Variants in CSMD2 observed in about 807,000 individuals in gnomAD.
The protein encoded by CSMD2 is CUB and Sushi multiple domains 2.
A neutral mutation model predicts 398.5 loss-of-function variants in CSMD2; 130 were observed. That is an observed-to-expected ratio of 0.33 (90% CI 0.28 to 0.38). CSMD2 has a LOEUF of 0.38. CSMD2 is among the 10% of genes least tolerant of loss of function. CSMD2 has a pLI of 1.00. For synonymous variants in CSMD2, 1,828 were observed against 1,908.5 expected (o/e 0.96, Z 1.10); for missense variants, 3,829 against 4,764.9 (o/e 0.80, Z 5.78).
In CSMD2 at chr1:33,611,027, C is replaced by T. The variant is rs2148837027; in HGVS notation, c.6343+14G>A. The T allele has an allele frequency of 1.2e-6, 2 of 1,611,376 alleles. No individual in the cohort carries two copies. Among genetic ancestry groups the T allele is most frequent in the Non-Finnish European group, 1.7e-6 (2 of 1,178,420 alleles). ...GATAGACAGAGAAGCAAAGGCGGTG[C>T]TCCTTGTCCTTACCCTGATACTCCA... On this transcript the variant is annotated intron_variant, in intron 41 of 70. Transcript: ENST00000373381.
intron 3 of CSMD2, among the ~76,000 whole-genome samples, chr1:33,981,099 G>A (rs1646149590): frequency 6.6e-6 from 1 of 152,192 alleles, no homozygotes; most frequent in Non-Finnish European, 1.5e-5. Context: ...AGGAGAAAGT[G>A]CAGGGACCCA....
chr1:33,726,818 CTG>C lies in CSMD2; in HGVS notation c.2369-135_2369-134del, dbSNP rs368188281. The C allele has an allele frequency of 7.5e-5, 77 of 1,021,882 alleles. No homozygotes were observed. In the African/African-American group the frequency reaches 1.0e-3, roughly 14 times the overall value. The allele number at this position is 1,021,882 out of a possible 1,614,324, so 63.3% of individuals were successfully genotyped here. A position where few individuals can be genotyped will look rare whatever the true frequency, so the allele number is the denominator to read the frequency against. On this transcript the variant is annotated intron_variant, in intron 15 of 70. Transcript: ENST00000373381. Reference sequence around the variant, plus strand: ...TATGGAAAATTACATAAACTATAAACTGTGAGTTTTGTCTACTGGGACCTTTA... The same window carrying C: ...TATGGAAAATTACATAAACTATAAACTGAGTTTTGTCTACTGGGACCTTTA...
chr1:34,040,629 G>A (rs1253516453), intron 2 of CSMD2, among the ~76,000 whole-genome samples: 1 of 152,182 alleles, frequency 6.6e-6, no homozygotes, highest in Non-Finnish European at 1.5e-5. Flanking sequence ...CAGAGTCTTA[G>A]GTGACTCTGA....
Position 34,117,033 on chromosome 1 carries a change from TA to T in CSMD2, c.188-27841del, listed in dbSNP as rs199579644. On this transcript the variant is annotated intron_variant, in intron 1 of 70. Transcript: ENST00000373381. ...TTACAGCAGCACATTGCACATGCAT[TA>T]AAAAAAAGAATGATCTCAAATCAAT... 2.2e-3 allele frequency among the ~76,000 whole-genome samples: 335 copies of T among 151,602 alleles called. 1 individual carries two copies. In the East Asian group the frequency reaches 0.024, roughly 11 times the overall value.
intron 15 of CSMD2, among the ~76,000 whole-genome samples, chr1:33,732,306 G>T (rs1646745633): frequency 1.3e-5 from 2 of 152,232 alleles, no homozygotes; most frequent in African/African-American, 4.8e-5. Context: ...GGGATACTGG[G>T]TGTTATGGAT....
At chr1:33,932,292 A>G (rs1159960521) in intron 4 of CSMD2, among the ~76,000 whole-genome samples, 2 of 152,108 alleles carry the variant, frequency 1.3e-5, no homozygotes, top group East Asian at 3.9e-4. Context: ...GTTGCCCCCT[A>G]GTAACAATTA....
intron 14 of CSMD2, among the ~76,000 whole-genome samples, chr1:33,741,378 G>T (rs513049): frequency 9.9e-5 from 15 of 151,884 alleles, no homozygotes; most frequent in African/African-American, 3.6e-4. Context: ...TGGCCATGGA[G>T]GATTGTTTCA....
At chr1:33,945,686 G>A (rs140993499) in intron 3 of CSMD2, among the ~76,000 whole-genome samples, 79 of 152,238 alleles carry the variant, frequency 5.2e-4, no homozygotes, top group African/African-American at 1.8e-3. Flanking sequence ...TGCTGCCCCT[G>A]TTTCAGAAGA....
At chr1:33,890,648 C>A (rs1641945823) in intron 5 of CSMD2, among the ~76,000 whole-genome samples, 3 of 151,960 alleles carry the variant, frequency 2.0e-5, no homozygotes, top group South Asian at 4.2e-4. Flanking sequence ...TCAAACTATA[C>A]TACAAGGCTA....
rs142080627 is a variant in CSMD2, at chr1:33,662,095, G to T, written c.4255+795C>A. Among the ~76,000 whole-genome samples the T allele has an allele frequency of 4.0e-4, 61 of 152,298 alleles. 1 individual carries two copies. The East Asian group carries it at 0.01, about 26-fold the overall frequency. On this transcript the variant is annotated intron_variant, in intron 26 of 70. Transcript: ENST00000373381. ...AGATGATGCATTCCAGGGAGAGGCA[G>T]GACCAATCATATAAATTATCTCATA...
rs958161891 is a variant in CSMD2 at position 33,577,457 on chromosome 1, G to A, written c.7415C>T (p.Pro2472Leu). Residue 2472 changes from proline (P) to leucine (L), a missense_variant, in exon 49 of 71, where the codon CCA becomes CTA. By Grantham distance (98) the Pro-to-Leu change is moderately conservative. Around this residue, in one of 5 missense-constraint regions of CSMD2, gnomAD observed 723 missense variants for 758.6 expected, o/e 0.95. Transcript: ENST00000373381. Reference sequence around the variant, plus strand: ...CTGGCCTAGGATGAAGCCATGGAGTGGAGCCCTGGGCAGGCTGCAGTAAGG... The same window carrying A: ...CTGGCCTAGGATGAAGCCATGGAGTAGAGCCCTGGGCAGGCTGCAGTAAGG... ...SAPYCSLPRA[P>L]LHGFILGQTS... 1.2e-6 allele frequency: 2 copies of A among 1,613,336 alleles called. No homozygotes were observed.
In CSMD2 at chr1:33,810,738, C is replaced by T; in HGVS notation, c.1446+5G>A. Reference sequence around the variant, plus strand: ...GAACACCACCCCGCTCCCCAAGAGGCTTACCTTGGAGGGGTTGAGTGCTGT... The same window carrying T: ...GAACACCACCCCGCTCCCCAAGAGGTTTACCTTGGAGGGGTTGAGTGCTGT... On this transcript the variant is annotated splice_donor_5th_base_variant and intron_variant, in intron 10 of 70. Transcript: ENST00000373381. 1.9e-6 allele frequency: 3 copies of T among 1,612,680 alleles called. No individual in the cohort carries two copies.
At chr1:34,003,995 C>T (rs1646980476) in intron 3 of CSMD2, among the ~76,000 whole-genome samples, 2 of 152,224 alleles carry the variant, frequency 1.3e-5, no homozygotes, top group South Asian at 4.1e-4. Context: ...ACAATGCCTA[C>T]CTGCCCTCTA....
At chr1:33,864,003 G>A in intron 5 of CSMD2, 1 of 581,220 alleles carries the variant, frequency 1.7e-6, no homozygotes, top group East Asian at 2.9e-5. Flanking sequence ...GCTTGTGGAT[G>A]ATGTCACAGT....
Position 33,860,170 on chromosome 1 carries a change from C to T in CSMD2, c.921-13174G>A, listed in dbSNP as rs562509430. ...CACCAGTGGCCCACTTTTTGTCTGT[C>T]ACAGGATTCAGTCTAGCATCTCTCA... is the stretch of plus-strand genomic sequence containing the variant. On this transcript the variant is annotated intron_variant, in intron 5 of 70. Transcript: ENST00000373381. 3.9e-5 allele frequency among the ~76,000 whole-genome samples: 6 copies of T among 152,262 alleles called. No homozygotes were observed. In the East Asian group the frequency reaches 1.2e-3, roughly 29 times the overall value.
Position 33,700,605 on chromosome 1 carries a change from C to A in CSMD2, c.3645G>T (p.Val1215=), listed in dbSNP as rs978191260. Residue 1215 remains valine, a synonymous_variant, in exon 23 of 71, where the codon GTG becomes GTT. Transcript: ENST00000373381. Reference sequence around the variant, plus strand: ...GACTGCTGGATGTGCTGTTCAAAGTCACCCCCATCATCTCAGAATGGCTAA... The same window carrying A: ...GACTGCTGGATGTGCTGTTCAAAGTAACCCCCATCATCTCAGAATGGCTAA... ...GVFSHSEMMG[V]TLNSTSSSLW... The A allele has an allele frequency of 6.2e-7, 1 of 1,614,050 alleles. No individual in the cohort carries two copies. The highest frequency in any genetic ancestry group is 8.5e-7 in the Non-Finnish European group (1 of 1,180,046).
At chr1:34,069,847 A>G (rs1451844992) in intron 2 of CSMD2, among the ~76,000 whole-genome samples, 1 of 152,172 alleles carries the variant, frequency 6.6e-6, no homozygotes, top group East Asian at 1.9e-4. Context: ...TGATTTAGAT[A>G]CCTTATTTTT....
intron 43 of CSMD2, among the ~76,000 whole-genome samples, chr1:33,601,740 T>C (rs1469205154): frequency 6.6e-6 from 1 of 152,254 alleles, no homozygotes; most frequent in Non-Finnish European, 1.5e-5. Context: ...ACTCTTGTTG[T>C]ATATAACTAC....
At chr1:33,643,998 CAT>C (rs1404242282) in intron 29 of CSMD2, among the ~76,000 whole-genome samples, 1 of 152,142 alleles carries the variant, frequency 6.6e-6, no homozygotes, top group African/African-American at 2.4e-5. Flanking sequence ...CTCAAACACA[CAT>C]AGTTATCTTT....
Sources: gnomAD v4.1 joint callset for allele counts (sites outside exome capture counted in the v4.1 genomes callset) on GRCh38, gnomAD v4.1.1 for gene constraint, gnomAD v4.1.1 regional missense constraint, MANE v1.5 for transcripts, NCBI Gene and HGNC (gene_info 2026-07-23, HGNC 2026-07-21) for gene names.